UMODL1: variants seen among roughly 807,000 people sequenced by gnomAD.
The protein encoded by UMODL1 is uromodulin like 1.
A neutral mutation model predicts 136.3 loss-of-function variants in UMODL1; 128 were observed. The ratio of observed to expected loss-of-function variants is 0.94; its 90% CI spans 0.81 to 1.09. The LOEUF is 1.09. Among genes scored for constraint, UMODL1 ranks in the 50% least tolerant of loss-of-function variants. The pLI is 0.00. For missense variants in UMODL1, 1,766 were observed against 1,725.6 expected, an observed-to-expected ratio of 1.02 and a Z score of -0.41; for synonymous variants, 721 against 720.0, an observed-to-expected ratio of 1.00 and a Z score of -0.02.
In UMODL1 at chr21:42,121,092, G is replaced by A. The variant is rs1446268427; in HGVS notation, c.2695G>A (p.Asp899Asn). The change falls in exon 16 of 23, where the codon GAT becomes AAT. Residue 899 changes from aspartate to asparagine, a missense_variant. Physicochemically the swap from Asp to Asn is conservative, Grantham distance 23. Coordinates refer to ENST00000408910, the MANE Select transcript of UMODL1 (RefSeq NM_001004416.3). ...IRGDTFIQDY[D>N]ECERKEDDCV... ...GTCTTCTAAATGTTGTGCAGATTAC[G>A]ATGAGTGTGAAAGGAAGGAGGACGA... 5.0e-6 allele frequency: 8 copies of A among 1,612,846 alleles called. No homozygotes were observed. The highest frequency in any genetic ancestry group is 2.2e-5 in the South Asian group (2 of 90,792).
rs1304418440 is a variant in UMODL1 at position 42,142,904 on chromosome 21, T to A, written c.*830T>A. On this transcript the variant is annotated 3_prime_UTR_variant, in exon 23 of 23. Transcript: ENST00000408910. ...CAAGAAAATGGTTCTAAAATCTAAG[T>A]ATTTTAGTCTAGAATTTTCTCCATT... is the stretch of plus-strand genomic sequence containing the variant. 1.3e-5 allele frequency: 2 copies of A among 152,226 alleles called. No individual in the cohort carries two copies. The allele number at this position is 152,226 out of a possible 1,614,324, so 9.4% of individuals were successfully genotyped here.
upstream of UMODL1, among the ~76,000 whole-genome samples, chr21:42,067,662 C>G (rs2066193955): frequency 6.6e-6 from 1 of 152,226 alleles, no homozygotes; most frequent in Non-Finnish European, 1.5e-5. Flanking sequence ...TTAGCTATGC[C>G]TTTGCTGTGT....
intron 9 of UMODL1, among the ~76,000 whole-genome samples, chr21:42,106,010 GC>G (rs751063060): frequency 3.9e-5 from 6 of 152,218 alleles, no homozygotes; most frequent in Non-Finnish European, 5.9e-5. Context: ...GCAGGCTGTG[GC>G]CTGCTTCCTC....
chr21:42,120,932 T>G, intron 15 of UMODL1, 155 bp from the exon 16 acceptor site: 1 of 919,088 alleles, frequency 1.1e-6, no homozygotes, highest in Non-Finnish European at 1.6e-6. Context: ...TCAGGAAGCC[T>G]CCTGTACTTT....
chr21:42,084,935 G>T (rs369336317), intron 3 of UMODL1, among the ~76,000 whole-genome samples: 9 of 150,386 alleles, frequency 6.0e-5, no homozygotes, highest in East Asian at 3.9e-4. Flanking sequence ...TAATGACAAA[G>T]TATAAAGTAA....
chr21:42,068,375 A>C (rs138591139), upstream of UMODL1, among the ~76,000 whole-genome samples: 177 of 152,260 alleles, frequency 1.2e-3, 1 homozygote, highest in Admixed American at 0.011. The surrounding 1 kb of genome is among the most constrained non-coding windows in gnomAD (Gnocchi z 5.5). Context: ...GGTGGTCCCC[A>C]CACACACCCC....
intron 7 of UMODL1, among the ~76,000 whole-genome samples, chr21:42,100,978 A>C (rs930546750): frequency 2.1e-5 from 3 of 144,730 alleles, no homozygotes; most frequent in Admixed American, 7.0e-5. Flanking sequence ...AGGAAAAAAA[A>C]TACCTGCATT....
intron 2 of UMODL1, among the ~76,000 whole-genome samples, chr21:42,081,136 G>A (rs756523107): frequency 2.6e-5 from 4 of 152,154 alleles, no homozygotes; most frequent in Non-Finnish European, 1.5e-5. Context: ...AGCCTCGTTA[G>A]GCAAGTCCAG....
In UMODL1 at chr21:42,122,351, G is replaced by A. The variant is rs1189609897; in HGVS notation, c.2828-480G>A. Among the ~76,000 whole-genome samples, 1 of 152,152 alleles carries A rather than the reference G, an allele frequency of 6.6e-6. No individual in the cohort carries two copies. The highest frequency in any genetic ancestry group is 1.5e-5 in the Non-Finnish European group (1 of 68,020). ...AAGGGAGCTGGAGTGGGAAGTTTGG[G>A]CACAAGGACCTCAAGAGGAGGCATC... On this transcript the variant is annotated intron_variant, in intron 16 of 22. Transcript: ENST00000408910. This position sits in a 1 kb window ranked among gnomAD's most constrained non-coding sequence, Gnocchi z 4.3.
At chr21:42,066,869 G>A (rs61173676), upstream of UMODL1, among the ~76,000 whole-genome samples, 7,393 of 152,260 alleles carry the variant, frequency 0.049, 421 homozygotes, top group African/African-American at 0.14. Context: ...CATTGCTTGT[G>A]ATGCATATCA....
Position 42,111,559 on chromosome 21 carries a change from C to A in UMODL1, c.1953C>A (p.Asp651Glu), listed in dbSNP as rs140135030. The A allele has an allele frequency of 6.8e-3, 11,026 of 1,613,948 alleles. 106 individuals carry two copies. The highest frequency in any genetic ancestry group is 0.035 in the Middle Eastern group (210 of 6,060). ...CCTCCTGGCCTTCCCCTACTGAGGACCCCACCGGCCACTTCCTGTGGCATG... is the reference window on the plus strand; with the variant it reads ...CCTCCTGGCCTTCCCCTACTGAGGAACCCACCGGCCACTTCCTGTGGCATG... ...EPPSWPSPTE[D>E]PTGHFLWHAT... The change falls in exon 12 of 23, where the codon GAC becomes GAA. Residue 651 changes from aspartate to glutamate, a missense_variant. Coordinates refer to ENST00000408910, the MANE Select transcript of UMODL1 (RefSeq NM_001004416.3).
intron 15 of UMODL1, 126 bp from the exon 16 acceptor site, chr21:42,120,961 A>G: frequency 8.1e-7 from 1 of 1,238,928 alleles, no homozygotes; most frequent in Non-Finnish European, 1.1e-6. Flanking sequence ...GGTGAGCTTG[A>G]CTGCAGTCTG....
At position 42,127,217 on chromosome 21, in the gene UMODL1, A is replaced by G. The variant is rs1486709069; in HGVS notation, c.3505A>G (p.Ile1169Val). 6.2e-7 allele frequency: 1 copy of G among 1,614,046 alleles called. No homozygotes were observed. The highest frequency in any genetic ancestry group is 2.2e-5 in the East Asian group (1 of 44,854). Residue 1169 changes from isoleucine (I) to valine (V), a missense_variant, in exon 19 of 23, where the codon ATC becomes GTC. Physicochemically the swap from Ile to Val is conservative, Grantham distance 29. Coordinates refer to ENST00000408910, the MANE Select transcript of UMODL1 (RefSeq NM_001004416.3). ...CCCGTCTAGCAACGCCCGGGACCCC[A>G]TCACCTTCAGCTTCATTAACAACAG... ...ATPSSNARDP[I>V]TFSFINNSCP... is the part of the protein sequence containing the mutation.
At position 42,121,139 on chromosome 21, in the gene UMODL1, T is replaced by G. The variant is rs2066965570; in HGVS notation, c.2742T>G (p.Cys914Trp). ...KEDDCVPGTS[C>W]RNTLGSFTCS... ...ACGACTGTGTGCCGGGGACATCCTG[T>G]CGAAACACCCTCGGGTCTTTCACTT... The change falls in exon 16 of 23, where the codon TGT (cysteine) becomes TGG (tryptophan). Residue 914 changes from cysteine (C) to tryptophan (W), a missense_variant. Physicochemically the swap from Cys to Trp is radical, Grantham distance 215. Transcript: ENST00000408910. The G allele has an allele frequency of 6.2e-7, 1 of 1,614,156 alleles. No homozygotes were observed. The highest frequency in any genetic ancestry group is 8.5e-7 in the Non-Finnish European group (1 of 1,180,006).
In UMODL1 at chr21:42,072,210, C is replaced by T. The variant is rs533894718; in HGVS notation, c.76+818C>T. ...TCTGTCCGGAGTTTTCCCAGGCATG[C>T]GGAGAGCAGGGCAGCTTCTTAAAAA... On this transcript the variant is annotated intron_variant, in intron 1 of 22. Transcript: ENST00000408910. Among the ~76,000 whole-genome samples, 206 of 152,306 alleles carry T rather than the reference C, an allele frequency of 1.4e-3. 1 individual carries two copies. Among genetic ancestry groups the T allele is most frequent in the African/African-American group, 4.7e-3 (195 of 41,568 alleles).
At position 42,111,666 on chromosome 21, in the gene UMODL1, T is replaced by C; in HGVS notation, c.2060T>C (p.Leu687Pro). 6.2e-7 allele frequency: 1 copy of C among 1,613,980 alleles called. No homozygotes were observed. Among genetic ancestry groups the C allele is most frequent in the Non-Finnish European group, 8.5e-7 (1 of 1,179,918 alleles). Reference protein sequence around the residue: ...EDSGPSGSVDLPLTSTLTALK... With the variant: ...EDSGPSGSVDPPLTSTLTALK... Reference sequence around the variant, plus strand: ...AGTGGACCCTCCGGTTCTGTAGACCTGCCATTGACCTCCACCCTCACAGCT... The same window carrying C: ...AGTGGACCCTCCGGTTCTGTAGACCCGCCATTGACCTCCACCCTCACAGCT... Residue 687 changes from leucine (L) to proline (P), a missense_variant, in exon 12 of 23, where the codon CTG becomes CCG. Coordinates refer to ENST00000408910, the MANE Select transcript of UMODL1 (RefSeq NM_001004416.3).
rs1177961937 is a variant in UMODL1 at position 42,113,660 on chromosome 21, C to A, written c.2192C>A (p.Ser731Tyr). The A allele has an allele frequency of 6.2e-7, 1 of 1,614,084 alleles. No individual in the cohort carries two copies. The change falls in exon 13 of 23, where the codon TCC becomes TAC. Residue 731 changes from serine to tyrosine, a missense_variant. Coordinates refer to ENST00000408910, the MANE Select transcript of UMODL1 (RefSeq NM_001004416.3). ...LAWEADLAMD[S>Y]TFQLTLTSMW... ...TGGGAGGCGGATCTTGCTATGGACTCCACCTTCCAGCTCACTCTGACTTCC... is the reference window on the plus strand; with the variant it reads ...TGGGAGGCGGATCTTGCTATGGACTACACCTTCCAGCTCACTCTGACTTCC...
At chr21:42,125,366 G>T (rs2067037779) in intron 17 of UMODL1, among the ~76,000 whole-genome samples, 1 of 152,110 alleles carries the variant, frequency 6.6e-6, no homozygotes, top group Non-Finnish European at 1.5e-5. Flanking sequence ...GAAGCTGAGG[G>T]ATTCACGTGG....
chr21:42,076,317 G>T (rs60789191), intron 2 of UMODL1, 70 bp downstream of exon 2: 139 of 1,593,156 alleles, frequency 8.7e-5, no homozygotes, highest in Non-Finnish European at 1.1e-4. Flanking sequence ...GACAGTCACC[G>T]TTGGCATCCA....
Sources: allele counts gnomAD v4.1 joint callset (sites outside exome capture counted in the v4.1 genomes callset), GRCh38; gene constraint gnomAD v4.1.1; non-coding constraint Gnocchi (gnomAD v3.1); transcripts MANE v1.5; gene names NCBI Gene and HGNC (gene_info 2026-07-23, HGNC 2026-07-21).